Variants in KCNH8 observed in about 807,000 individuals in gnomAD.
KCNH8 encodes the protein voltage-gated delayed rectifier potassium channel KCNH8.
KCNH8 carries 70 observed loss-of-function variants against 103.6 expected under a neutral mutation model. That is an observed-to-expected ratio of 0.68 (90% CI 0.56 to 0.82). The LOEUF (loss-of-function observed/expected upper bound fraction) is 0.82, where lower values mean the gene tolerates loss of function less well. KCNH8 is among the 40% of genes least tolerant of loss of function. The probability of loss-of-function intolerance (pLI) is 0.00; values close to 1 mark genes in which losing one functional copy is unlikely to be tolerated. For synonymous variants in KCNH8, 498 were observed against 489.4 expected, an observed-to-expected ratio of 1.02 and a Z score of -0.23; for missense variants, 1,217 against 1,329.9, an observed-to-expected ratio of 0.92 and a Z score of 1.32.
At chr3:19,297,120 C>T (rs13071902) in intron 3 of KCNH8, among the ~76,000 whole-genome samples, 62,792 of 151,792 alleles carry the variant, frequency 0.41, 14,281 homozygotes, top group Non-Finnish European at 0.53. Flanking sequence ...CAGAGTAATG[C>T]GAGCATTCAG....
At chr3:19,478,695 T>A (rs554065605) in intron 11 of KCNH8, among the ~76,000 whole-genome samples, 91 of 152,290 alleles carry the variant, frequency 6.0e-4, no homozygotes, top group African/African-American at 2.2e-3. Context: ...ACTCCAGTTA[T>A]TGCCATCACT....
At chr3:19,222,724 C>A (rs149293138) in intron 1 of KCNH8, among the ~76,000 whole-genome samples, 2 of 151,646 alleles carry the variant, frequency 1.3e-5, no homozygotes, top group Non-Finnish European at 2.9e-5. Context: ...AGTTGTAGAG[C>A]CTTTGAAATC....
At chr3:19,384,947 A>C (rs2066336352) in intron 5 of KCNH8, among the ~76,000 whole-genome samples, 1 of 152,154 alleles carries the variant, frequency 6.6e-6, no homozygotes, top group African/African-American at 2.4e-5. Context: ...TAGAACCCAA[A>C]TCCTTCCTTT....
chr3:19,395,373 C>A, intron 7 of KCNH8, 62 bp downstream of exon 7: 2 of 1,174,908 alleles, frequency 1.7e-6, no homozygotes, highest in Non-Finnish European at 2.5e-6. Flanking sequence ...GTATCAAGAA[C>A]TTGGAGGAAG....
At chr3:19,287,787 T>A (rs914514851) in intron 3 of KCNH8, among the ~76,000 whole-genome samples, 3 of 152,174 alleles carry the variant, frequency 2.0e-5, no homozygotes, top group Non-Finnish European at 4.4e-5. Flanking sequence ...GGTTTCATCA[T>A]GTTGGCCAGG....
chr3:19,184,884 C>G (rs2063488157), intron 1 of KCNH8, among the ~76,000 whole-genome samples: 1 of 151,906 alleles, frequency 6.6e-6, no homozygotes, highest in Admixed American at 6.6e-5. Flanking sequence ...AATATGTAGT[C>G]TTTTATATCC....
At chr3:19,502,312 AG>A (rs1278754309) in intron 11 of KCNH8, among the ~76,000 whole-genome samples, 4 of 151,256 alleles carry the variant, frequency 2.6e-5, no homozygotes, top group African/African-American at 9.7e-5. Context: ...GCTCATGGGT[AG>A]GAAGAATCAA....
At position 19,274,255 on chromosome 3, in the gene KCNH8, G is replaced by A. The variant is rs191131755; in HGVS notation, c.311-6943G>A. Among the ~76,000 whole-genome samples the A allele has an allele frequency of 3.6e-3, 543 of 152,260 alleles. 4 individuals are homozygous for A. The highest frequency in any genetic ancestry group is 0.012 in the African/African-American group (502 of 41,570). On this transcript the variant is annotated intron_variant, in intron 2 of 15. Transcript: ENST00000328405. ...AAAATATAGTTCAGTGCAGTAAAATGTTGATCAGGTTGATCAGTGGGAAAT... is the reference window on the plus strand; with the variant it reads ...AAAATATAGTTCAGTGCAGTAAAATATTGATCAGGTTGATCAGTGGGAAAT...
chr3:19,347,438 T>C (rs1005568895), intron 4 of KCNH8, among the ~76,000 whole-genome samples: 5 of 152,096 alleles, frequency 3.3e-5, no homozygotes, highest in African/African-American at 9.6e-5. Context: ...TGAATGTTTT[T>C]TGATGACATT....
chr3:19,202,684 T>G (rs981342572), intron 1 of KCNH8, among the ~76,000 whole-genome samples: 1 of 152,150 alleles, frequency 6.6e-6, no homozygotes, highest in Non-Finnish European at 1.5e-5. Context: ...GTCTGTAACT[T>G]TTTGTTATTA....
intron 1 of KCNH8, among the ~76,000 whole-genome samples, chr3:19,172,404 T>TA (rs140096681): frequency 6.9e-4 from 105 of 152,056 alleles, no homozygotes; most frequent in African/African-American, 2.3e-3. Context: ...ACAGTAGATA[T>TA]AAAAAAAAGT....
At chr3:19,497,698 A>G (rs2068474068) in intron 11 of KCNH8, among the ~76,000 whole-genome samples, 1 of 152,126 alleles carries the variant, frequency 6.6e-6, no homozygotes, top group Admixed American at 6.6e-5. Flanking sequence ...TGTGGCAATC[A>G]GAAGGATGTA....
At chr3:19,227,694 T>G (rs1575451209) in intron 1 of KCNH8, among the ~76,000 whole-genome samples, 1 of 152,316 alleles carries the variant, frequency 6.6e-6, no homozygotes, top group East Asian at 1.9e-4. Flanking sequence ...ATGCTATAGA[T>G]TCAGGGAAAC....
intron 1 of KCNH8, among the ~76,000 whole-genome samples, chr3:19,170,710 A>G (rs917089754): frequency 8.7e-5 from 12 of 137,888 alleles, no homozygotes; most frequent in Non-Finnish European, 1.8e-4. Context: ...ATATACACAT[A>G]TATACACACA....
chr3:19,296,991 A>G (rs1386957551), intron 3 of KCNH8, among the ~76,000 whole-genome samples: 2 of 152,184 alleles, frequency 1.3e-5, no homozygotes, highest in Admixed American at 6.6e-5. Context: ...TTATTTATTA[A>G]TTCCATCTTA....
chr3:19,526,713 TC>T (rs891383652), intron 15 of KCNH8, among the ~76,000 whole-genome samples: 2 of 151,990 alleles, frequency 1.3e-5, no homozygotes, highest in African/African-American at 2.4e-5. Context: ...GCTGGGGACT[TC>T]CATGAGACGT....
intron 3 of KCNH8, among the ~76,000 whole-genome samples, chr3:19,282,913 A>T (rs2064776651): frequency 6.6e-6 from 1 of 152,176 alleles, no homozygotes. Context: ...GAAAACATGA[A>T]ATATGTCTAC....
At chr3:19,486,481 T>C (rs1559351477) in intron 11 of KCNH8, among the ~76,000 whole-genome samples, 1 of 152,196 alleles carries the variant, frequency 6.6e-6, no homozygotes, top group Non-Finnish European at 1.5e-5. Context: ...CCAGGGCCCT[T>C]AGACATGGTG....
At chr3:19,444,733 A>G (rs78167065) in intron 8 of KCNH8, among the ~76,000 whole-genome samples, 2,069 of 152,102 alleles carry the variant, frequency 0.014, 47 homozygotes, top group African/African-American at 0.045. Context: ...GTAGATGACA[A>G]ACATATACAA....
Sources: gnomAD v4.1 joint callset for allele counts (sites outside exome capture counted in the v4.1 genomes callset) on GRCh38, gnomAD v4.1.1 for gene constraint, MANE v1.5 for transcripts, NCBI Gene and HGNC (gene_info 2026-07-23, HGNC 2026-07-21) for gene names.